Variants in CFAP70 observed in about 807,000 individuals in gnomAD.
The protein encoded by CFAP70 is cilia- and flagella-associated protein 70.
A neutral mutation model predicts 137.6 loss-of-function variants in CFAP70; 81 were observed. The ratio of observed to expected loss-of-function variants is 0.59; its 90% CI spans 0.49 to 0.71. The LOEUF is 0.71. Ranked by LOEUF, CFAP70 falls within the 30% of genes least tolerant of loss-of-function variation. CFAP70 has a pLI of 0.00. For missense variants in CFAP70, 976 were observed against 1,226.7 expected, an observed-to-expected ratio of 0.80 and a Z score of 3.05; for synonymous variants, 382 against 423.6, an observed-to-expected ratio of 0.90 and a Z score of 1.20.
At position 73,296,454 on chromosome 10, in the gene CFAP70, G is replaced by A. The variant is rs190208154; in HGVS notation, c.1644+588C>T. ...TAAAGAATTTGAGGAGGCACAGATG[G>A]TTAGACACTACCAGGGGACAAAAAG... On this transcript the variant is annotated intron_variant, in intron 15 of 26. Coordinates refer to ENST00000310715, the Ensembl canonical transcript of CFAP70. 3 of 152,378 alleles carry A rather than the reference G, an allele frequency of 2.0e-5. No individual in the cohort carries two copies. In the East Asian group the frequency reaches 5.8e-4, roughly 29 times the overall value. 9.4% of individuals were successfully genotyped at this position (152,378 alleles called of 1,614,324 possible).
intron 6 of CFAP70, among the ~76,000 whole-genome samples, chr10:73,337,507 T>C (rs1178357751): frequency 6.6e-6 from 1 of 151,612 alleles, no homozygotes; most frequent in African/African-American, 2.4e-5. Context: ...AAAACATTAA[T>C]ACCTTGAGAT....
chr10:73,351,069 GTGTATATA>G (rs1481585777), intron 3 of CFAP70, among the ~76,000 whole-genome samples: 4,922 of 50,024 alleles, frequency 0.098, 198 homozygotes, highest in East Asian at 0.33. Context: ...GTGTGTGTGT[GTGTATATA>G]TATATATATA....
At chr10:73,299,646 G>A (rs2048798029) in exon 13 of CFAP70, 2 of 1,612,622 alleles carry the variant, frequency 1.2e-6, no homozygotes, top group Non-Finnish European at 1.7e-6. Flanking sequence ...GGAGGCCTTG[G>A]AGGAATCATT....
chr10:73,330,008 A>G (rs1292368771), intron 8 of CFAP70, among the ~76,000 whole-genome samples: 1 of 152,246 alleles, frequency 6.6e-6, no homozygotes, highest in African/African-American at 2.4e-5. Context: ...ATATATTTTA[A>G]CAGCGTTTTA....
intron 12 of CFAP70, among the ~76,000 whole-genome samples, chr10:73,304,288 A>G (rs1589416070): frequency 6.6e-6 from 1 of 152,124 alleles, no homozygotes; most frequent in Non-Finnish European, 1.5e-5. Context: ...TCCTGACCTC[A>G]GGTGATTCAC....
chr10:73,265,320 CAAA>C (rs796977521), intron 25 of CFAP70, among the ~76,000 whole-genome samples: 6 of 85,918 alleles, frequency 7.0e-5, no homozygotes, highest in Admixed American at 1.4e-4. Context: ...GACTCCATCT[CAAA>C]AAAAAAAAAA....
At position 73,296,957 on chromosome 10, in the gene CFAP70, T is replaced by C. The variant is rs181908858; in HGVS notation, c.1644+85A>G. ...GAGCAGACACTTCAATAAATATTCG[T>C]TGAATAAACAAAGGAAGGAATTATT... On this transcript the variant is annotated intron_variant, in intron 15 of 26. Transcript: ENST00000310715. 3.4e-4 allele frequency: 503 copies of C among 1,473,450 alleles called. 1 individual carries two copies. In the Middle Eastern group the frequency reaches 5.9e-3, roughly 17 times the overall value. 91.3% of individuals were successfully genotyped at this position (1,473,450 alleles called of 1,614,324 possible).
intron 25 of CFAP70, among the ~76,000 whole-genome samples, chr10:73,266,446 G>A (rs2045782130): frequency 1.3e-5 from 2 of 151,960 alleles, no homozygotes; most frequent in Admixed American, 6.6e-5. Flanking sequence ...TTTACCTTCA[G>A]TTTCTTTTAT....
intron 5 of CFAP70, among the ~76,000 whole-genome samples, chr10:73,343,705 T>A (rs975325908): frequency 6.6e-6 from 1 of 151,916 alleles, no homozygotes; most frequent in Non-Finnish European, 1.5e-5. Flanking sequence ...TGAGACTCCA[T>A]CTCCATCTCC....
intron 25 of CFAP70, among the ~76,000 whole-genome samples, chr10:73,267,151 T>C (rs2045855383): frequency 6.6e-6 from 1 of 152,188 alleles, no homozygotes; most frequent in African/African-American, 2.4e-5. Flanking sequence ...AAACATAATA[T>C]GTTATTTCTC....
chr10:73,312,721 CA>C, intron 9 of CFAP70, 78 bp from the exon 11 acceptor site: 3 of 1,285,958 alleles, frequency 2.3e-6, no homozygotes. Flanking sequence ...TTTTTTTTAC[CA>C]TTTAGTCTTC....
chr10:73,354,423 C>A (rs940553627), intron 2 of CFAP70, among the ~76,000 whole-genome samples: 13 of 151,950 alleles, frequency 8.6e-5, no homozygotes, highest in African/African-American at 2.9e-4. Context: ...GAATTAATCA[C>A]AAGGGAAACT....
chr10:73,315,263 T>A (rs1333857196), intron 9 of CFAP70, among the ~76,000 whole-genome samples: 2 of 150,302 alleles, frequency 1.3e-5, no homozygotes, highest in Non-Finnish European at 3.0e-5. Context: ...TTCACATATA[T>A]ACAATGTACA....
chr10:73,352,236 C>A (rs2054335994), intron 3 of CFAP70, among the ~76,000 whole-genome samples: 1 of 152,198 alleles, frequency 6.6e-6, no homozygotes, highest in Non-Finnish European at 1.5e-5. Context: ...GGGATAAAAG[C>A]CCTGGTTCCC....
chr10:73,354,985 G>A, intron 1 of CFAP70, 150 bp from the exon 2 acceptor site: 1 of 596,660 alleles, frequency 1.7e-6, no homozygotes, highest in Non-Finnish European at 3.0e-6. Flanking sequence ...CTGTTGGACA[G>A]GCAGTGCTTT....
At chr10:73,331,994 A>G (rs968403273) in intron 7 of CFAP70, among the ~76,000 whole-genome samples, 13 of 152,176 alleles carry the variant, frequency 8.5e-5, no homozygotes, top group Admixed American at 3.3e-4. Flanking sequence ...TTGCAACAAG[A>G]AAAAAGTTGA....
At chr10:73,346,026 G>A (rs2053671348) in intron 4 of CFAP70, among the ~76,000 whole-genome samples, 2 of 151,384 alleles carry the variant, frequency 1.3e-5, no homozygotes, top group South Asian at 4.2e-4. Flanking sequence ...AGCCTCCTGA[G>A]TAGCTGGGAG....
chr10:73,300,987 T>A (rs918732112), intron 12 of CFAP70, among the ~76,000 whole-genome samples: 5 of 152,144 alleles, frequency 3.3e-5, no homozygotes, highest in African/African-American at 1.2e-4. Flanking sequence ...TACATTCTAG[T>A]AGGGAAAGAA....
intron 9 of CFAP70, among the ~76,000 whole-genome samples, chr10:73,316,150 CA>C (rs1225837932): frequency 6.6e-6 from 1 of 152,042 alleles, no homozygotes; most frequent in Admixed American, 6.6e-5. Context: ...TCAGCTATTA[CA>C]TTTTCTGTTT....
Sources: allele counts gnomAD v4.1 joint callset (sites outside exome capture counted in the v4.1 genomes callset), GRCh38; gene constraint gnomAD v4.1.1; transcripts MANE v1.5; gene names NCBI Gene and HGNC (gene_info 2026-07-23, HGNC 2026-07-21).